PAK3: variants seen among roughly 807,000 people sequenced by gnomAD.
The protein encoded by PAK3 is serine/threonine-protein kinase PAK 3.
In PAK3, 4 loss-of-function variants were observed where a neutral mutation model predicts 41.0. The ratio of observed to expected loss-of-function variants is 0.10; its 90% CI spans 0.05 to 0.22. The LOEUF (loss-of-function observed/expected upper bound fraction) is 0.22, where lower values mean the gene tolerates loss of function less well. Ranked by LOEUF, PAK3 falls within the 10% of genes least tolerant of loss-of-function variation. The pLI is 1.00. For missense variants in PAK3, 205 were observed against 409.9 expected, an observed-to-expected ratio of 0.50 and a Z score of 4.32; for synonymous variants, 146 against 139.6, an observed-to-expected ratio of 1.05 and a Z score of -0.32.
rs760192620 is a variant in PAK3 at position 110,962,379 on chromosome X, T to C, written c.-28+17751T>C. Among the ~76,000 whole-genome samples, 421 of 112,449 alleles carry C rather than the reference T, an allele frequency of 3.7e-3. 3 individuals are homozygous for C. The highest frequency in any genetic ancestry group is 0.013 in the African/African-American group (399 of 30,967). On this transcript the variant is annotated intron_variant, in intron 1 of 14. Coordinates refer to the PAK3 transcript ENST00000425146. Reference sequence around the variant, plus strand: ...AAAATCTTTGTTATCTATTTGCTTCTTGCATCTTGACTGCCACATCTCTAG... The same window carrying C: ...AAAATCTTTGTTATCTATTTGCTTCCTGCATCTTGACTGCCACATCTCTAG...
At chrX:111,091,462 C>T (rs758262561), upstream of PAK3, among the ~76,000 whole-genome samples, 115 of 111,844 alleles carry the variant, frequency 1.0e-3, no homozygotes, top group Middle Eastern at 4.6e-3. Flanking sequence ...TAGTGCCCAG[C>T]GAAATTTGAG....
chrX:111,093,292 GC>G (rs2092944074), upstream of PAK3, among the ~76,000 whole-genome samples: 1 of 111,824 alleles, frequency 8.9e-6, no homozygotes, highest in South Asian at 3.8e-4. Context: ...CATAATAATT[GC>G]CATAGTAAAC....
At chrX:111,101,386 T>C (rs2093134394) in intron 3 of PAK3, among the ~76,000 whole-genome samples, 1 of 111,098 alleles carries the variant, frequency 9.0e-6, no homozygotes, top group Admixed American at 9.4e-5. Context: ...CTCAAGCAAG[T>C]GGTGAAATAA....
intron 1 of PAK3, among the ~76,000 whole-genome samples, chrX:111,049,325 T>C (rs2148787005): frequency 8.9e-6 from 1 of 112,331 alleles, no homozygotes; most frequent in South Asian, 3.7e-4. Flanking sequence ...ATTTATGTGT[T>C]TATTACCCAA....
At chrX:110,952,284 C>G (rs747441113) in intron 1 of PAK3, among the ~76,000 whole-genome samples, 9 of 111,575 alleles carry the variant, frequency 8.1e-5, no homozygotes, top group Non-Finnish European at 1.7e-4. Context: ...TTACGAATAT[C>G]TTTTGTCTGA....
rs765754785 is a variant in PAK3, at chrX:111,131,318, T to C, written c.175+8040T>C. 7.2e-5 allele frequency among the ~76,000 whole-genome samples: 8 copies of C among 111,570 alleles called. No homozygotes were observed. The East Asian group carries it at 1.1e-3, about 16-fold the overall frequency. On this transcript the variant is annotated intron_variant, in intron 5 of 17. Coordinates refer to ENST00000372007, the MANE Select transcript of PAK3 (RefSeq NM_002578.5). Reference sequence around the variant, plus strand: ...TTCATGATCCAGAATGTAAAAGATATTTGGGCCGTCTTACTCATTTAATGA... The same window carrying C: ...TTCATGATCCAGAATGTAAAAGATACTTGGGCCGTCTTACTCATTTAATGA...
At chrX:111,102,560 C>CTTA (rs2093164239) in intron 3 of PAK3, among the ~76,000 whole-genome samples, 1 of 111,547 alleles carries the variant, frequency 9.0e-6, no homozygotes, top group Non-Finnish European at 1.9e-5. Context: ...GAGGTGGAGA[C>CTTA]TTAGAGTTGA....
chrX:111,007,872 C>G (rs958023014), intron 1 of PAK3, among the ~76,000 whole-genome samples: 2 of 111,905 alleles, frequency 1.8e-5, no homozygotes, highest in African/African-American at 3.3e-5. Flanking sequence ...CAGAGAAAAG[C>G]TCTAGAAGAC....
chrX:111,136,603 A>G (rs2093793116), intron 5 of PAK3, among the ~76,000 whole-genome samples: 1 of 111,982 alleles, frequency 8.9e-6, no homozygotes, highest in South Asian at 3.8e-4. Flanking sequence ...ATTACCTTCT[A>G]GAAATGGAGG....
chrX:111,161,183 C>T (rs1454250711), intron 8 of PAK3, among the ~76,000 whole-genome samples: 1 of 111,749 alleles, frequency 8.9e-6, no homozygotes, highest in Non-Finnish European at 1.9e-5. Context: ...TGGTATCTCA[C>T]TGTGGTTTTG....
At chrX:111,146,420 T>A (rs2093944868) in intron 6 of PAK3, 3 of 567,372 alleles carry the variant, frequency 5.3e-6, no homozygotes, top group Non-Finnish European at 5.9e-6. Context: ...TAGAAGGGAC[T>A]CCCCCCATTC....
intron 7 of PAK3, among the ~76,000 whole-genome samples, chrX:111,151,352 A>T (rs2094024092): frequency 8.9e-6 from 1 of 112,552 alleles, no homozygotes; most frequent in Non-Finnish European, 1.9e-5. Flanking sequence ...CTCTCAACTT[A>T]CAAAGATGAA....
chrX:111,123,026 T>G, intron 4 of PAK3, 51 bp from the exon 5 acceptor site: 23 of 725,273 alleles, frequency 3.2e-5, no homozygotes, highest in Non-Finnish European at 5.1e-5. Context: ...ATTTATTAGG[T>G]TTTTAGACCT....
At chrX:111,145,645 G>A (rs1419435594) in intron 6 of PAK3, among the ~76,000 whole-genome samples, 2 of 111,539 alleles carry the variant, frequency 1.8e-5, no homozygotes, top group Non-Finnish European at 3.8e-5. Context: ...TAAAAGTGTC[G>A]TTTCACTGTG....
chrX:111,121,397 T>C (rs895514104), intron 4 of PAK3, among the ~76,000 whole-genome samples: 21 of 112,244 alleles, frequency 1.9e-4, no homozygotes, highest in Non-Finnish European at 1.7e-4. Context: ...TAATTGATAG[T>C]AACCTATTCT....
In PAK3 at chrX:111,119,526, A is replaced by C. The variant is rs776718125; in HGVS notation, c.-27-3551A>C. 3.6e-3 allele frequency among the ~76,000 whole-genome samples: 400 copies of C among 111,885 alleles called. 3 individuals carry two copies. The highest frequency in any genetic ancestry group is 0.012 in the African/African-American group (380 of 30,821). ...AGTTTTTTTTATCGGATTCCTAGAG[A>C]ATAATGGTGCTTATGTACAATTCTT... is the stretch of plus-strand genomic sequence containing the variant. On this transcript the variant is annotated intron_variant, in intron 4 of 17. Transcript: ENST00000372007.
intron 11 of PAK3, among the ~76,000 whole-genome samples, chrX:111,190,785 A>T (rs1412896108): frequency 8.9e-6 from 1 of 112,525 alleles, no homozygotes; most frequent in African/African-American, 3.2e-5. Context: ...AACAGCAAGG[A>T]TGAAATAAAG....
intron 1 of PAK3, among the ~76,000 whole-genome samples, chrX:111,029,307 G>T (rs762332924): frequency 5.4e-5 from 6 of 111,619 alleles, no homozygotes; most frequent in Non-Finnish European, 7.5e-5. Context: ...TGCAATTTCA[G>T]TTGACCCTGG....
intron 5 of PAK3, among the ~76,000 whole-genome samples, chrX:111,128,737 C>A (rs1224393061): frequency 1.8e-5 from 2 of 112,055 alleles, no homozygotes; most frequent in Non-Finnish European, 3.8e-5. Flanking sequence ...TGAAACATAT[C>A]TGAATTTCAG....
Sources: allele counts gnomAD v4.1 joint callset (sites outside exome capture counted in the v4.1 genomes callset), GRCh38; gene constraint gnomAD v4.1.1; transcripts MANE v1.5; gene names NCBI Gene and HGNC (gene_info 2026-07-23, HGNC 2026-07-21).